The following NPIPA1 variants were observed in gnomAD, a reference collection of about 807,000 sequenced individuals.
The protein encoded by NPIPA1 is nuclear pore complex interacting protein family member A1, also known as nuclear pore complex-interacting protein family member A1.
For synonymous variants in NPIPA1, 7 were observed against 88.0 expected, an observed-to-expected ratio of 0.08 and a Z score of 5.15; for missense variants, 22 against 232.2, an observed-to-expected ratio of 0.09 and a Z score of 5.88.
chr16:14,941,066 T>C, intron 1 of NPIPA1, among the ~76,000 whole-genome samples: 1 of 149,918 alleles, frequency 6.7e-6, no homozygotes, highest in Non-Finnish European at 1.5e-5. Flanking sequence ...AGGCAGAGGT[T>C]GCAGTGAGCC....
chr16:14,940,454 T>A (rs1412952077), intron 1 of NPIPA1, among the ~76,000 whole-genome samples: 1 of 151,492 alleles, frequency 6.6e-6, no homozygotes, highest in East Asian at 2.0e-4. Context: ...CACACCTGTA[T>A]TGCCAGCACT....
chr16:14,944,295 TTGG>T (rs1311026561), intron 2 of NPIPA1, among the ~76,000 whole-genome samples: 2 of 152,230 alleles, frequency 1.3e-5, no homozygotes, highest in East Asian at 3.9e-4. Flanking sequence ...TATGGAAATC[TTGG>T]TGGGAATTCA....
intron 2 of NPIPA1, among the ~76,000 whole-genome samples, chr16:14,945,227 G>GTT (rs748459839): frequency 0.18 from 25,107 of 136,166 alleles, 674 homozygotes; most frequent in East Asian, 0.21. Flanking sequence ...ATTCTTGTGT[G>GTT]GTGTGTGTGT....
At chr16:14,940,740 A>T (rs1387421054) in intron 1 of NPIPA1, among the ~76,000 whole-genome samples, 2 of 116,866 alleles carry the variant, frequency 1.7e-5, no homozygotes, top group African/African-American at 6.6e-5. Flanking sequence ...ATTACTTTAT[A>T]CTTAGCTTGT....
chr16:14,940,057 T>C (rs1965711286), intron 1 of NPIPA1, among the ~76,000 whole-genome samples: 1 of 73,370 alleles, frequency 1.4e-5, no homozygotes, highest in Non-Finnish European at 2.7e-5. Flanking sequence ...CACCATGCCC[T>C]GCTAATTTTT....
At chr16:14,943,034 G>T (rs1395243281) in intron 2 of NPIPA1, among the ~76,000 whole-genome samples, 49 of 148,838 alleles carry the variant, frequency 3.3e-4, no homozygotes, top group South Asian at 8.7e-4. Context: ...TGCCTTTCAA[G>T]ATATGTGGAA....
At chr16:14,944,965 G>T (rs1319687125) in intron 2 of NPIPA1, among the ~76,000 whole-genome samples, 1 of 148,354 alleles carries the variant, frequency 6.7e-6, no homozygotes, top group Non-Finnish European at 1.5e-5. Context: ...ATGTTGGAGT[G>T]CAATGGCACA....
Position 14,945,292 on chromosome 16 carries a change from C to T in NPIPA1, c.193-282C>T, listed in dbSNP as rs552008806. Among the ~76,000 whole-genome samples the T allele has an allele frequency of 3.4e-5, 5 of 147,202 alleles. No individual in the cohort carries two copies. The South Asian group carries it at 1.1e-3, about 33-fold the overall frequency. On this transcript the variant is annotated intron_variant, in intron 2 of 7. Coordinates refer to ENST00000328085, the MANE Select transcript of NPIPA1 (RefSeq NM_006985.4). ...TGAGACAGAGTCTCATTCTGTCACTCAGGCTGGAGTGCAGTGGTGTGATCT... is the reference window on the plus strand; with the variant it reads ...TGAGACAGAGTCTCATTCTGTCACTTAGGCTGGAGTGCAGTGGTGTGATCT...
intron 4 of NPIPA1, among the ~76,000 whole-genome samples, chr16:14,947,882 GT>G (rs1453789612): frequency 6.6e-6 from 1 of 151,758 alleles, no homozygotes; most frequent in African/African-American, 2.4e-5. Flanking sequence ...GCATTAAACT[GT>G]GAGCTTCTTT....
At chr16:14,943,478 C>CT (rs1230911612) in intron 2 of NPIPA1, among the ~76,000 whole-genome samples, 1 of 148,172 alleles carries the variant, frequency 6.7e-6, no homozygotes, top group South Asian at 2.2e-4. Flanking sequence ...AAATTTACCA[C>CT]TTTTTAACAA....
intron 7 of NPIPA1, chr16:14,950,958 G>A (rs1597180951): frequency 9.6e-6 from 1 of 103,892 alleles, no homozygotes; most frequent in East Asian, 2.2e-4. Context: ...GGGAAACAGA[G>A]GGGAAATGAG....
At chr16:14,941,674 C>G (rs1965758307) in intron 1 of NPIPA1, 138 bp from the exon 2 acceptor site, 1 of 77,922 alleles carries the variant, frequency 1.3e-5, no homozygotes, top group Non-Finnish European at 2.2e-5. Flanking sequence ...TTTTTTGTAG[C>G]AGTGGAATCC....
At chr16:14,941,516 A>G (rs2151076857) in intron 1 of NPIPA1, 1 of 171,130 alleles carries the variant, frequency 5.8e-6, no homozygotes, top group South Asian at 1.1e-4. Context: ...GTGTGGCTCA[A>G]GACAACTTTG....
intron 2 of NPIPA1, among the ~76,000 whole-genome samples, chr16:14,945,276 GTCTCAT>G (rs1337087280): frequency 1.4e-5 from 2 of 144,600 alleles, no homozygotes; most frequent in Admixed American, 7.1e-5. Context: ...GTGAGACAGA[GTCTCAT>G]TCTGTCACTC....
intron 7 of NPIPA1, 54 bp from the exon 8 acceptor site, chr16:14,951,561 A>C: frequency 1.2e-6 from 1 of 853,408 alleles, no homozygotes; most frequent in Non-Finnish European, 1.8e-6. Flanking sequence ...GGTGGCGGTA[A>C]TTTTGTCCAT....
At chr16:14,941,282 A>G (rs1965746880) in intron 1 of NPIPA1, among the ~76,000 whole-genome samples, 1 of 133,416 alleles carries the variant, frequency 7.5e-6, no homozygotes, top group East Asian at 3.1e-4. Flanking sequence ...TAAAAATACA[A>G]AAATTAGTCG....
intron 2 of NPIPA1, among the ~76,000 whole-genome samples, chr16:14,943,160 T>G (rs939650192): frequency 3.6e-4 from 55 of 151,936 alleles, no homozygotes; most frequent in East Asian, 9.8e-4. Flanking sequence ...TTTTTTTTTT[T>G]TCTTTTCTCA....
At chr16:14,944,674 T>C (rs1273313740) in intron 2 of NPIPA1, among the ~76,000 whole-genome samples, 4 of 150,750 alleles carry the variant, frequency 2.7e-5, no homozygotes, top group African/African-American at 7.3e-5. Context: ...GGTGGGATCT[T>C]GGCTCACTGC....
intron 2 of NPIPA1, among the ~76,000 whole-genome samples, chr16:14,942,429 AAAG>A (rs1407435375): frequency 1.3e-5 from 2 of 152,042 alleles, no homozygotes; most frequent in Non-Finnish European, 2.9e-5. Context: ...GTTGATGCTT[AAAG>A]AGCACCCTCT....
Sources: gnomAD v4.1 joint callset for allele counts (sites outside exome capture counted in the v4.1 genomes callset) on GRCh38, gnomAD v4.1.1 for gene constraint, MANE v1.5 for transcripts, NCBI Gene and HGNC (gene_info 2026-07-23, HGNC 2026-07-21) for gene names.